The following GRK7 variants were observed in gnomAD, a reference collection of about 807,000 sequenced individuals.
The protein encoded by GRK7 is G protein-coupled receptor kinase 7.
GRK7 carries 24 observed loss-of-function variants against 34.1 expected under a neutral mutation model. That is an observed-to-expected ratio of 0.70 (90% CI 0.51 to 0.99). GRK7 has a LOEUF of 0.99. Ranked by LOEUF, GRK7 falls within the 50% of genes least tolerant of loss-of-function variation. GRK7 has a pLI of 0.00. For synonymous variants in GRK7, 256 were observed against 279.4 expected, an observed-to-expected ratio of 0.92 and a Z score of 0.84; for missense variants, 644 against 707.3, an observed-to-expected ratio of 0.91 and a Z score of 1.02.
intron 2 of GRK7, among the ~76,000 whole-genome samples, 95 bp downstream of exon 2, chr3:141,774,775 G>C (rs936779353): frequency 3.1e-5 from 4 of 128,432 alleles, no homozygotes; most frequent in Non-Finnish European, 6.6e-5. Flanking sequence ...GTTGTCACCA[G>C]TCAGATTATT....
rs572352791 is a variant in GRK7, at chr3:141,800,872, G to A, written c.1051-6773G>A. 1.8e-4 allele frequency among the ~76,000 whole-genome samples: 28 copies of A among 152,232 alleles called. No homozygotes were observed. In the South Asian group the frequency reaches 2.1e-3, roughly 11 times the overall value. On this transcript the variant is annotated intron_variant, in intron 4 of 5. Coordinates refer to ENST00000682958, the MANE Select transcript of GRK7 (RefSeq NM_139209.3). ...TTGTTTGGGTGGTATTTATGAGGGC[G>A]TATTTAATTATTAAAATTCATTGAG...
chr3:141,793,619 G>T (rs895580215), intron 4 of GRK7, among the ~76,000 whole-genome samples: 1 of 152,138 alleles, frequency 6.6e-6, no homozygotes, highest in Non-Finnish European at 1.5e-5. Flanking sequence ...TTGAGGTGGG[G>T]TCCAGACTTG....
intron 2 of GRK7, among the ~76,000 whole-genome samples, chr3:141,776,820 T>G (rs546804702): frequency 1.3e-5 from 2 of 152,318 alleles, no homozygotes; most frequent in East Asian, 3.9e-4. Context: ...TTTTTTTGCT[T>G]GTAAACACTT....
Position 141,780,387 on chromosome 3 carries a change from A to G in GRK7, c.626A>G (p.Gln209Arg). The G allele has an allele frequency of 1.2e-6, 2 of 1,614,074 alleles. No homozygotes were observed. The highest frequency in any genetic ancestry group is 1.1e-5 in the South Asian group (1 of 91,082). ...KGGFGEVCAV[Q>R]VKNTGKMYAC... ...TTCTCCTTTAAGGTATGTGCCGTCC[A>G]GGTGAAAAACACTGGGAAGATGTAT... The change falls in exon 4 of 6, where the codon CAG becomes CGG. Residue 209 changes from glutamine to arginine, a missense_variant. Coordinates refer to ENST00000682958, the MANE Select transcript of GRK7 (RefSeq NM_139209.3).
At position 141,780,773 on chromosome 3, in the gene GRK7, G is replaced by A; in HGVS notation, c.1012G>A (p.Ala338Thr). ...GNCRLSDLGL[A>T]VEMKGGKPIT... ...CTGCAGGTTATCTGACCTGGGGCTG[G>A]CCGTGGAGATGAAGGGTGGCAAGCC... The change falls in exon 4 of 6, where the codon GCC becomes ACC. Residue 338 changes from alanine to threonine, a missense_variant. Ala to Thr is a moderately conservative substitution (Grantham distance 58). Transcript: ENST00000682958. 2 of 1,614,144 alleles carry A rather than the reference G, an allele frequency of 1.2e-6. No individual in the cohort carries two copies. Among genetic ancestry groups the A allele is most frequent in the African/African-American group, 1.3e-5 (1 of 75,068 alleles).
chr3:141,788,964 G>A (rs1350376623), intron 4 of GRK7, among the ~76,000 whole-genome samples: 1 of 152,068 alleles, frequency 6.6e-6, no homozygotes, highest in Non-Finnish European at 1.5e-5. Flanking sequence ...AGGTTCAAGC[G>A]CCACCATGCC....
At chr3:141,772,659 A>G (rs2084621880) in intron 1 of GRK7, among the ~76,000 whole-genome samples, 1 of 152,224 alleles carries the variant, frequency 6.6e-6, no homozygotes, top group African/African-American at 2.4e-5. Flanking sequence ...AATTGAGAAC[A>G]TGTACACCAT....
chr3:141,779,075 C>T (rs906327096), intron 3 of GRK7, among the ~76,000 whole-genome samples, 179 bp downstream of exon 3: 14 of 152,072 alleles, frequency 9.2e-5, no homozygotes, highest in African/African-American at 3.4e-4. Flanking sequence ...TGAAATAAAA[C>T]ACAAATGGCA....
At chr3:141,758,862 G>T (rs1179791193), upstream of GRK7, among the ~76,000 whole-genome samples, 1 of 151,468 alleles carries the variant, frequency 6.6e-6, no homozygotes, top group African/African-American at 2.4e-5. Flanking sequence ...CCTTGAAGAG[G>T]TCCTTCACAT....
Position 141,778,421 on chromosome 3 carries a change from C to T in GRK7, c.137C>T (p.Ala46Val), listed in dbSNP as rs759235194. 1.1e-5 allele frequency: 18 copies of T among 1,612,764 alleles called. No individual in the cohort carries two copies. The highest frequency in any genetic ancestry group is 1.7e-5 in the Admixed American group (1 of 59,992). The change falls in exon 3 of 6, where the codon GCG becomes GTG. Residue 46 changes from alanine (A) to valine (V), a missense_variant. Transcript: ENST00000682958. The surrounding 1 kb of genome is among the most constrained non-coding windows in gnomAD (Gnocchi z 4.1). ...SLALPGLQGC[A>V]ELRQKLSLNF... ...GCCCTGCCCGGGCTGCAGGGCTGCGCGGAGCTCCGCCAGAAGCTGTCCCTG... is the reference window on the plus strand; with the variant it reads ...GCCCTGCCCGGGCTGCAGGGCTGCGTGGAGCTCCGCCAGAAGCTGTCCCTG...
At chr3:141,798,101 A>T (rs914972695) in intron 4 of GRK7, among the ~76,000 whole-genome samples, 1 of 152,178 alleles carries the variant, frequency 6.6e-6, no homozygotes, top group Admixed American at 6.5e-5. Flanking sequence ...GGAAGAGGCC[A>T]GCACCCAACA....
At chr3:141,799,760 A>T (rs1302240953) in intron 4 of GRK7, among the ~76,000 whole-genome samples, 1 of 152,198 alleles carries the variant, frequency 6.6e-6, no homozygotes, top group Admixed American at 6.5e-5. Context: ...AATTCACATA[A>T]AGCACTACAG....
chr3:141,767,331 T>A (rs1052792179), intron 1 of GRK7, among the ~76,000 whole-genome samples: 15 of 152,218 alleles, frequency 9.9e-5, no homozygotes, highest in African/African-American at 3.4e-4. Context: ...CTGAACTGAA[T>A]GCTTGGTTTT....
intron 5 of GRK7, among the ~76,000 whole-genome samples, chr3:141,816,253 C>A (rs1711152172): frequency 6.6e-6 from 1 of 151,970 alleles, no homozygotes; most frequent in Admixed American, 6.6e-5. Flanking sequence ...GTAAGTGGGG[C>A]TTGTAGAAAT....
chr3:141,817,038 T>C lies in GRK7; in HGVS notation c.1650T>C (p.Cys550=). The change falls in exon 6 of 6, where the codon TGT becomes TGC. Residue 550 remains cysteine (C), a synonymous_variant. Transcript: ENST00000682958. ...GTAATTCATCCAAGTCTGGCGTGTGTTTGTTATTGTAAATTGCTCTCTTTA... is the reference window on the plus strand; with the variant it reads ...GTAATTCATCCAAGTCTGGCGTGTGCTTGTTATTGTAAATTGCTCTCTTTA... ...EEGNSSKSGV[C]LLL is the part of the protein sequence containing the mutation. 1 of 1,597,220 alleles carries C rather than the reference T, an allele frequency of 6.3e-7. No individual in the cohort carries two copies. The highest frequency in any genetic ancestry group is 1.1e-5 in the South Asian group (1 of 89,072).
the GRK7 span, among the ~76,000 whole-genome samples, chr3:141,752,014 G>A: frequency 6.6e-6 from 1 of 152,148 alleles, no homozygotes; most frequent in African/African-American, 2.4e-5. Flanking sequence ...TGTTGAACAT[G>A]TGCCTTACTT....
chr3:141,786,788 A>G (rs1042015429), intron 4 of GRK7, among the ~76,000 whole-genome samples: 1 of 152,106 alleles, frequency 6.6e-6, no homozygotes, highest in Non-Finnish European at 1.5e-5. Flanking sequence ...AAAAAAAAAA[A>G]AAGTTACTAG....
intron 4 of GRK7, among the ~76,000 whole-genome samples, chr3:141,801,759 C>T (rs2107890343): frequency 2.0e-5 from 3 of 152,180 alleles, no homozygotes; most frequent in Non-Finnish European, 4.4e-5. Flanking sequence ...CTAGAATAGT[C>T]AGGAGAAGTG....
chr3:141,801,185 C>G (rs1334823404), intron 4 of GRK7, among the ~76,000 whole-genome samples: 5 of 151,916 alleles, frequency 3.3e-5, no homozygotes, highest in Non-Finnish European at 7.4e-5. Flanking sequence ...GTGGCAGGTG[C>G]CTGTAGTCCC....
Sources: gnomAD v4.1 joint callset for allele counts (sites outside exome capture counted in the v4.1 genomes callset) on GRCh38, gnomAD v4.1.1 for gene constraint, Gnocchi (gnomAD v3.1) non-coding constraint, MANE v1.5 for transcripts, NCBI Gene and HGNC (gene_info 2026-07-23, HGNC 2026-07-21) for gene names.